ASXL2: variants seen among roughly 807,000 people sequenced by gnomAD.
The protein encoded by ASXL2 is putative Polycomb group protein ASXL2.
A neutral mutation model predicts 122.0 loss-of-function variants in ASXL2; 23 were observed. The observed-to-expected ratio is 0.19, with a 90% CI of 0.14 to 0.27. ASXL2 has a LOEUF of 0.27. Ranked by LOEUF, ASXL2 falls within the 10% of genes least tolerant of loss-of-function variation. ASXL2 has a pLI of 1.00. For missense variants in ASXL2, 1,518 were observed against 1,713.8 expected (o/e 0.89, Z 2.02); for synonymous variants, 650 against 637.0 (o/e 1.02, Z -0.31).
In ASXL2 at chr2:25,878,296, C is replaced by A. The variant is rs1346526793; in HGVS notation, c.-74G>T. The A allele has an allele frequency of 7.9e-6, 12 of 1,515,292 alleles. No homozygotes were observed. The highest frequency in any genetic ancestry group is 8.2e-6 in the Non-Finnish European group (9 of 1,099,294). 93.9% of individuals were successfully genotyped at this position (1,515,292 alleles called of 1,614,324 possible). A position where few individuals can be genotyped will look rare whatever the true frequency, so the allele number is the denominator to read the frequency against. On this transcript the variant is annotated 5_prime_UTR_variant, in exon 1 of 13. Transcript: ENST00000435504. ...CCCTCCCTGCCTGCTCTGCCCTGCG[C>A]TGCTTTTCCCGCGGTGCCGGGAAAG... is the stretch of plus-strand genomic sequence containing the variant.
At chr2:25,821,125 G>C (rs1469801065) in intron 3 of ASXL2, among the ~76,000 whole-genome samples, 1 of 152,136 alleles carries the variant, frequency 6.6e-6, no homozygotes, top group African/African-American at 2.4e-5. Context: ...GTTGCAGTGA[G>C]CCAAGATCGC....
intron 5 of ASXL2, among the ~76,000 whole-genome samples, chr2:25,784,402 T>C (rs2088705565): frequency 6.6e-6 from 1 of 152,340 alleles, no homozygotes; most frequent in African/African-American, 2.4e-5. Flanking sequence ...ATACAATATT[T>C]TAAAAGATTT....
At chr2:25,843,582 GA>G (rs2089612902) in intron 2 of ASXL2, among the ~76,000 whole-genome samples, 1 of 151,950 alleles carries the variant, frequency 6.6e-6, no homozygotes, top group Admixed American at 6.6e-5. Context: ...ACTGAAGTTT[GA>G]CTATAAATCA....
chr2:25,845,202 A>G (rs2089635080), intron 2 of ASXL2: 2 of 392,378 alleles, frequency 5.1e-6, no homozygotes, highest in African/African-American at 2.1e-5. Flanking sequence ...AAAGAGACAG[A>G]TGAAGGCTTG....
Position 25,743,127 on chromosome 2 carries a change from G to C in ASXL2, c.3210C>G (p.Leu1070=), listed in dbSNP as rs779771588. 4 of 1,614,018 alleles carry C rather than the reference G, an allele frequency of 2.5e-6. No homozygotes were observed. Among genetic ancestry groups the C allele is most frequent in the South Asian group, 1.1e-5 (1 of 91,084 alleles). ...GATTCTGCCTCCGAACCCTCTGAAT[G>C]AGAGTCTGAAGGATCTGATCTTGGG... ...KATQDQILQT[L]IQRVRRQNLL... The change falls in exon 13 of 13, where the codon CTC becomes CTG. Residue 1070 remains leucine (L), a synonymous_variant. Transcript: ENST00000435504.
chr2:25,756,160 G>A (rs779145984), intron 9 of ASXL2, 46 bp from the exon 10 acceptor site: 5 of 1,248,122 alleles, frequency 4.0e-6, no homozygotes, highest in South Asian at 3.2e-5. Flanking sequence ...GAAAGTGAAA[G>A]GTATCACGTC....
intron 3 of ASXL2, among the ~76,000 whole-genome samples, chr2:25,827,133 A>G (rs1391560365): frequency 3.3e-5 from 5 of 151,894 alleles, no homozygotes; most frequent in Non-Finnish European, 7.4e-5. Context: ...CACCTGGCCT[A>G]AAGTCAATTT....
intron 1 of ASXL2, among the ~76,000 whole-genome samples, chr2:25,864,563 G>C (rs2089877652): frequency 6.6e-6 from 1 of 151,918 alleles, no homozygotes. Flanking sequence ...ATAAAAGGAA[G>C]AACATGTTTT....
Position 25,742,478 on chromosome 2 carries a change from C to G in ASXL2, c.3859G>C (p.Glu1287Gln). ...GGAAGAACAGTAGAACTGAAAAGCTCGGGGCTGCTACGGATTGCCTTACCT... is the reference window on the plus strand; with the variant it reads ...GGAAGAACAGTAGAACTGAAAAGCTGGGGGCTGCTACGGATTGCCTTACCT... ...VRGKAIRSSPELFSSTVLPLP... is the reference protein window; with the variant it reads ...VRGKAIRSSPQLFSSTVLPLP... The change falls in exon 13 of 13, where the codon GAG becomes CAG. Residue 1287 changes from glutamate (E) to glutamine (Q), a missense_variant. Physicochemically the swap from Glu to Gln is conservative, Grantham distance 29 (BLOSUM62 2). Coordinates refer to ENST00000435504, the MANE Select transcript of ASXL2 (RefSeq NM_018263.6). 2 of 1,613,488 alleles carry G rather than the reference C, an allele frequency of 1.2e-6. No individual in the cohort carries two copies. Among genetic ancestry groups the G allele is most frequent in the Non-Finnish European group, 1.7e-6 (2 of 1,179,668 alleles).
chr2:25,827,085 G>A (rs1437654002), intron 3 of ASXL2, among the ~76,000 whole-genome samples: 1 of 145,404 alleles, frequency 6.9e-6, no homozygotes, highest in Admixed American at 7.3e-5. Context: ...CGATCCTCCC[G>A]CTTCACCACC....
intron 1 of ASXL2, among the ~76,000 whole-genome samples, chr2:25,860,323 A>G (rs538424847): frequency 2.0e-5 from 3 of 152,026 alleles, no homozygotes; most frequent in Non-Finnish European, 2.9e-5. Context: ...AAAATAAAAA[A>G]AAATGGAAAC....
intron 4 of ASXL2, among the ~76,000 whole-genome samples, chr2:25,804,499 T>C (rs1178603713): frequency 6.6e-6 from 1 of 152,224 alleles, no homozygotes; most frequent in African/African-American, 2.4e-5. Context: ...ATTTACAGCT[T>C]GCAGAGTGCA....
At chr2:25,748,676 G>A (rs1376818949) in intron 12 of ASXL2, among the ~76,000 whole-genome samples, 3 of 152,034 alleles carry the variant, frequency 2.0e-5, no homozygotes, top group African/African-American at 4.8e-5. Flanking sequence ...TATTCAGTGC[G>A]TTGCCTCTTA....
chr2:25,785,422 A>G (rs2088723391), intron 5 of ASXL2, among the ~76,000 whole-genome samples: 2 of 152,042 alleles, frequency 1.3e-5, no homozygotes, highest in Non-Finnish European at 2.9e-5. Context: ...ATGGGGTTTC[A>G]CCATGGTGGC....
intron 12 of ASXL2, among the ~76,000 whole-genome samples, chr2:25,748,436 G>A (rs1235903118): frequency 6.6e-6 from 1 of 151,932 alleles, no homozygotes; most frequent in Non-Finnish European, 1.5e-5. Context: ...AACCTGGGAG[G>A]TGGAGACTGC....
intron 1 of ASXL2, among the ~76,000 whole-genome samples, chr2:25,862,002 C>T (rs2089846720): frequency 6.6e-6 from 1 of 152,112 alleles, no homozygotes. Context: ...GATTATTTTC[C>T]TCTATTTTCC....
intron 8 of ASXL2, among the ~76,000 whole-genome samples, chr2:25,766,217 T>G (rs1346196124): frequency 6.6e-6 from 1 of 152,196 alleles, no homozygotes; most frequent in Non-Finnish European, 1.5e-5. Context: ...TACCTTTTCA[T>G]GACCCCATAT....
intron 5 of ASXL2, among the ~76,000 whole-genome samples, chr2:25,797,157 G>A (rs1017391639): frequency 1.3e-5 from 2 of 152,138 alleles, no homozygotes; most frequent in East Asian, 1.9e-4. Flanking sequence ...AGACAGGTGC[G>A]GCGGGCTGGA....
At chr2:25,794,309 A>C (rs745333996) in intron 5 of ASXL2, among the ~76,000 whole-genome samples, 1 of 152,134 alleles carries the variant, frequency 6.6e-6, no homozygotes, top group Admixed American at 6.5e-5. Flanking sequence ...TCTAAACAAA[A>C]CTTTTTCTAT....
Sources: allele counts gnomAD v4.1 joint callset (sites outside exome capture counted in the v4.1 genomes callset), GRCh38; gene constraint gnomAD v4.1.1; transcripts MANE v1.5; gene names NCBI Gene and HGNC (gene_info 2026-07-23, HGNC 2026-07-21).